SNRPC: variants seen among roughly 807,000 people sequenced by gnomAD.
SNRPC encodes small nuclear ribonucleoprotein polypeptide C, also known as U1 small nuclear ribonucleoprotein C.
SNRPC carries 5 observed loss-of-function variants against 20.0 expected under a neutral mutation model. That is an observed-to-expected ratio of 0.25 (90% confidence interval 0.13 to 0.53). SNRPC has a LOEUF of 0.53. Among genes scored for constraint, SNRPC ranks in the 20% least tolerant of loss-of-function variants. The probability of loss-of-function intolerance (pLI) is 0.96; values close to 1 mark genes in which losing one functional copy is unlikely to be tolerated. For missense variants in SNRPC, 112 were observed against 224.1 expected, an observed-to-expected ratio of 0.50 and a Z score of 3.19; for synonymous variants, 61 against 58.7, an observed-to-expected ratio of 1.04 and a Z score of -0.18.
chr6:34,763,109 A>G (rs1456861349), intron 3 of SNRPC, among the ~76,000 whole-genome samples: 2 of 152,154 alleles, frequency 1.3e-5, no homozygotes, highest in East Asian at 3.8e-4. Context: ...TTGAGACTAT[A>G]TTTAGATTTC....
At chr6:34,772,870 A>C (rs1764707206) in intron 5 of SNRPC, 1 of 152,142 alleles carries the variant, frequency 6.6e-6, no homozygotes, top group African/African-American at 2.4e-5. Context: ...GAAAAATCAG[A>C]TTTTTGTGTG....
At position 34,773,761 on chromosome 6, in the gene SNRPC, G is replaced by A. The variant is rs992263704; in HGVS notation, c.*191G>A. ...GCAGTTTTCCTTTGTATTGGGAAATGTGAAAATAAAATTGTCAACTCTTTC... is the reference window on the plus strand; with the variant it reads ...GCAGTTTTCCTTTGTATTGGGAAATATGAAAATAAAATTGTCAACTCTTTC... On this transcript the variant is annotated 3_prime_UTR_variant, in exon 6 of 6. Coordinates refer to ENST00000244520, the MANE Select transcript of SNRPC (RefSeq NM_003093.3). This position sits in a 1 kb window ranked among gnomAD's most constrained non-coding sequence, Gnocchi z 4.1. The A allele has an allele frequency of 2.0e-5, 9 of 454,370 alleles. No individual in the cohort carries two copies. The highest frequency in any genetic ancestry group is 3.1e-5 in the Non-Finnish European group (8 of 256,774). The allele number at this position is 454,370 out of a possible 1,614,324, so 28.1% of individuals were successfully genotyped here. A position where few individuals can be genotyped will look rare whatever the true frequency, so the allele number is the denominator to read the frequency against.
chr6:34,762,726 G>T, intron 3 of SNRPC, 23 bp downstream of exon 3: 1 of 1,246,282 alleles, frequency 8.0e-7, no homozygotes, highest in South Asian at 1.2e-5. Flanking sequence ...CTCTTGTTCT[G>T]CTGTGGTAAA....
chr6:34,771,591 A>T (rs1270109892), intron 5 of SNRPC, among the ~76,000 whole-genome samples: 1 of 152,042 alleles, frequency 6.6e-6, no homozygotes, highest in Non-Finnish European at 1.5e-5. Flanking sequence ...CTCTTTTCAC[A>T]CTCATTTAAT....
rs1232737119 is a variant in SNRPC at position 34,757,642 on chromosome 6, T to C, written c.8+91T>C. On this transcript the variant is annotated intron_variant, in intron 1 of 5. Coordinates refer to ENST00000244520, the MANE Select transcript of SNRPC (RefSeq NM_003093.3). Reference sequence around the variant, plus strand: ...AGAGCGGGTTCTGGTTTCTGAAACCTCGAGGGATGGGAGAGTATCTGGGCC... The same window carrying C: ...AGAGCGGGTTCTGGTTTCTGAAACCCCGAGGGATGGGAGAGTATCTGGGCC... The C allele has an allele frequency of 3.5e-6, 5 of 1,441,804 alleles. No homozygotes were observed. In the East Asian group the frequency reaches 6.9e-5, roughly 20 times the overall value. 89.3% of individuals were successfully genotyped at this position (1,441,804 alleles called of 1,614,324 possible).
rs1764719135 is a variant in SNRPC, at chr6:34,773,666, T to C, written c.*96T>C. Reference sequence around the variant, plus strand: ...GTGATACTGAGTTTTCTAAACAGCATAAGGAAGACTTGCTCCCCTGTCCTA... The same window carrying C: ...GTGATACTGAGTTTTCTAAACAGCACAAGGAAGACTTGCTCCCCTGTCCTA... On this transcript the variant is annotated 3_prime_UTR_variant, in exon 6 of 6. Coordinates refer to ENST00000244520, the MANE Select transcript of SNRPC (RefSeq NM_003093.3). The surrounding 1 kb of genome is among the most constrained non-coding windows in gnomAD (Gnocchi z 4.1). The C allele has an allele frequency of 9.0e-7, 1 of 1,105,320 alleles. No individual in the cohort carries two copies. The highest frequency in any genetic ancestry group is 1.5e-5 in the African/African-American group (1 of 65,376). The allele number at this position is 1,105,320 out of a possible 1,614,324, so 68.5% of individuals were successfully genotyped here.
At chr6:34,757,707 C>A (rs1764472336) in intron 1 of SNRPC, 156 bp downstream of exon 1, 2 of 1,398,892 alleles carry the variant, frequency 1.4e-6, no homozygotes, top group South Asian at 2.4e-5. Flanking sequence ...GCTAGACACC[C>A]CATTTTAGAG....
At chr6:34,762,332 A>G (rs1764548504) in intron 2 of SNRPC, among the ~76,000 whole-genome samples, 2 of 151,978 alleles carry the variant, frequency 1.3e-5, no homozygotes. Context: ...ATAGAGATAA[A>G]TGTGGTTGTG....
chr6:34,773,448 C>T lies in SNRPC; in HGVS notation c.358C>T (p.Pro120Ser). ...PPGMMPVGPA[P>S]GMRPPMGGHM... Reference sequence around the variant, plus strand: ...CTCTTCTTTGTTTTGTCCTGCAGCTCCTGGAATGAGGCCGCCCATGGGAGG... The same window carrying T: ...CTCTTCTTTGTTTTGTCCTGCAGCTTCTGGAATGAGGCCGCCCATGGGAGG... The change falls in exon 6 of 6, where the codon CCT becomes TCT. Residue 120 changes from proline to serine, a missense_variant and splice_region_variant. Physicochemically the swap from Pro to Ser is moderately conservative, Grantham distance 74. Transcript: ENST00000244520. This position sits in a 1 kb window ranked among gnomAD's most constrained non-coding sequence, Gnocchi z 4.1. 1 of 1,613,712 alleles carries T rather than the reference C, an allele frequency of 6.2e-7. No individual in the cohort carries two copies. Among genetic ancestry groups the T allele is most frequent in the Non-Finnish European group, 8.5e-7 (1 of 1,179,920 alleles).
chr6:34,773,641 G>A lies in SNRPC; in HGVS notation c.*71G>A. ...TGCTTCACCAGGAGATCATGCTGCT[G>A]TGATACTGAGTTTTCTAAACAGCAT... is the stretch of plus-strand genomic sequence containing the variant. On this transcript the variant is annotated 3_prime_UTR_variant, in exon 6 of 6. Coordinates refer to ENST00000244520, the MANE Select transcript of SNRPC (RefSeq NM_003093.3). The surrounding 1 kb of genome is among the most constrained non-coding windows in gnomAD (Gnocchi z 4.1). 7.1e-7 allele frequency: 1 copy of A among 1,399,270 alleles called. No individual in the cohort carries two copies. The highest frequency in any genetic ancestry group is 1.0e-6 in the Non-Finnish European group (1 of 1,003,122). The allele number at this position is 1,399,270 out of a possible 1,614,324, so 86.7% of individuals were successfully genotyped here.
In SNRPC at chr6:34,757,518, G is replaced by T; in HGVS notation, c.-26G>T. The T allele has an allele frequency of 6.2e-7, 1 of 1,612,822 alleles. No homozygotes were observed. Among genetic ancestry groups the T allele is most frequent in the Non-Finnish European group, 8.5e-7 (1 of 1,178,858 alleles). The stretch of plus-strand genomic sequence containing the variant: ...CGTCATTTCCGGGCGTCACGTAACG[G>T]AGTGGCCAACGGCCTGCAGAGCAAC... On this transcript the variant is annotated 5_prime_UTR_variant, in exon 1 of 6. Transcript: ENST00000244520.
intron 2 of SNRPC, among the ~76,000 whole-genome samples, chr6:34,758,921 G>T (rs1456198653): frequency 1.3e-5 from 2 of 150,760 alleles, no homozygotes; most frequent in Admixed American, 1.3e-4. Flanking sequence ...TCGGGAGGCT[G>T]AGGCAGGAGA....
At chr6:34,765,933 GTCTCACTTTGTTGCCCA>G (rs1764607874) in intron 3 of SNRPC, among the ~76,000 whole-genome samples, 1 of 151,642 alleles carries the variant, frequency 6.6e-6, no homozygotes, top group Non-Finnish European at 1.5e-5. Flanking sequence ...TAGAGATGGT[GTCTCACTTTGTTGCCCA>G]GGCTGGTCTT....
chr6:34,759,778 C>T (rs1187610522), intron 2 of SNRPC, among the ~76,000 whole-genome samples: 4 of 152,124 alleles, frequency 2.6e-5, no homozygotes, highest in Admixed American at 1.3e-4. Context: ...CCTTGCAGAC[C>T]TCATGAAAGA....
In SNRPC at chr6:34,767,971, C is replaced by T; in HGVS notation, c.224C>T (p.Ala75Val). 16 of 1,611,604 alleles carry T rather than the reference C, an allele frequency of 9.9e-6. No homozygotes were observed. The highest frequency in any genetic ancestry group is 1.4e-5 in the Non-Finnish European group (16 of 1,179,316). ...TTCTCTGCTCCTCCTCCTGCAGGGGCGATGATACCACCTCCCCCCAGCCTT... is the reference window on the plus strand; with the variant it reads ...TTCTCTGCTCCTCCTCCTGCAGGGGTGATGATACCACCTCCCCCCAGCCTT... ...TPFSAPPPAG[A>V]MIPPPPSLPG... The change falls in exon 4 of 6, where the codon GCG (alanine) becomes GTG (valine). Residue 75 changes from alanine (A) to valine (V), a missense_variant. Ala to Val is a moderately conservative substitution (Grantham distance 64). Coordinates refer to ENST00000244520, the MANE Select transcript of SNRPC (RefSeq NM_003093.3).
intron 3 of SNRPC, among the ~76,000 whole-genome samples, chr6:34,763,491 G>T (rs1764565126): frequency 6.6e-6 from 1 of 151,750 alleles, no homozygotes; most frequent in African/African-American, 2.4e-5. Context: ...AGACCATCCT[G>T]GCCAAATGGT....
intron 2 of SNRPC, among the ~76,000 whole-genome samples, chr6:34,759,339 C>G (rs946454846): frequency 6.6e-6 from 1 of 152,082 alleles, no homozygotes; most frequent in Admixed American, 6.5e-5. Flanking sequence ...TGTCTGTAAT[C>G]CCAGCACTTC....
At chr6:34,758,149 A>G (rs928105824) in intron 2 of SNRPC, among the ~76,000 whole-genome samples, 195 bp downstream of exon 2, 3 of 152,140 alleles carry the variant, frequency 2.0e-5, no homozygotes, top group Admixed American at 1.3e-4. Flanking sequence ...CAAGTCAGGC[A>G]TGGTGGTGTG....
At chr6:34,765,866 G>A (rs1764606830) in intron 3 of SNRPC, among the ~76,000 whole-genome samples, 1 of 152,020 alleles carries the variant, frequency 6.6e-6, no homozygotes, top group Admixed American at 6.6e-5. Flanking sequence ...GGCCTCCTGA[G>A]TAGGTAGGGC....
Sources: gnomAD v4.1 joint callset for allele counts (sites outside exome capture counted in the v4.1 genomes callset) on GRCh38, gnomAD v4.1.1 for gene constraint, Gnocchi (gnomAD v3.1) non-coding constraint, MANE v1.5 for transcripts, NCBI Gene and HGNC (gene_info 2026-07-23, HGNC 2026-07-21) for gene names.